KLF13: variants seen among roughly 807,000 people sequenced by gnomAD.
KLF13 encodes KLF transcription factor 13, also known as Krueppel-like factor 13.
Under a neutral mutation model 16.7 loss-of-function variants are expected in KLF13, and 8 were observed. The ratio of observed to expected loss-of-function variants is 0.48; its 90% CI spans 0.28 to 0.87. The LOEUF is 0.87. Ranked by LOEUF, KLF13 falls within the 40% of genes least tolerant of loss-of-function variation. The pLI is 0.10. For synonymous variants in KLF13, 245 were observed against 208.4 expected (o/e 1.18, Z -1.51); for missense variants, 447 against 452.2 (o/e 0.99, Z 0.10).
intron 1 of KLF13, among the ~76,000 whole-genome samples, chr15:31,419,028 G>T (rs1375918937): frequency 6.6e-6 from 1 of 152,166 alleles, no homozygotes; most frequent in Non-Finnish European, 1.5e-5. Context: ...GAAGCTTGGT[G>T]CTGGCATCTG....
intron 1 of KLF13, among the ~76,000 whole-genome samples, chr15:31,387,468 C>CA (rs144411939): frequency 0.05 from 7,633 of 152,250 alleles, 287 homozygotes; most frequent in East Asian, 0.13. Context: ...AATGCTATTG[C>CA]ACACTTAATA....
At position 31,373,379 on chromosome 15, in the gene KLF13, A is replaced by AC. The variant is rs1483133406; in HGVS notation, c.*1082dup. The AC allele has an allele frequency of 6.6e-6, 1 of 152,180 alleles. No individual in the cohort carries two copies. Among genetic ancestry groups the AC allele is most frequent in the Non-Finnish European group, 1.5e-5 (1 of 68,026 alleles). 9.4% of individuals were successfully genotyped at this position (152,180 alleles called of 1,614,324 possible). On this transcript the variant is annotated 3_prime_UTR_variant, in exon 2 of 2. Transcript: ENST00000307145. ...AAGAGACCGGAACATTGTGACTTGGACCTTTTCAGGAGTGGCGCGGATGTT... is the reference window on the plus strand; with the variant it reads ...AAGAGACCGGAACATTGTGACTTGGACCCTTTTCAGGAGTGGCGCGGATGTT...
chr15:31,358,113 T>TGTCCAGCTGTTGGGCA (rs1220860689), intron 1 of KLF13, among the ~76,000 whole-genome samples: 1 of 152,122 alleles, frequency 6.6e-6, no homozygotes, highest in African/African-American at 2.4e-5. Context: ...GGCTGAGAGT[T>TGTCCAGCTGTTGGGCA]GTCCAGCTGT....
In KLF13 at chr15:31,377,114, G is replaced by T. The variant is rs2039659979; in HGVS notation, c.*4815G>T. The T allele has an allele frequency of 6.6e-6, 1 of 152,342 alleles. No homozygotes were observed. The highest frequency in any genetic ancestry group is 1.9e-4 in the East Asian group (1 of 5,186). The allele number at this position is 152,342 out of a possible 1,614,324, so 9.4% of individuals were successfully genotyped here. A position where few individuals can be genotyped will look rare whatever the true frequency, so the allele number is the denominator to read the frequency against. On this transcript the variant is annotated 3_prime_UTR_variant, in exon 2 of 2. Coordinates refer to ENST00000307145, the MANE Select transcript of KLF13 (RefSeq NM_015995.4). The stretch of plus-strand genomic sequence containing the variant: ...GTGCGTGCTTATTTGGAAACCAGGT[G>T]TGTGAGCCGAATGCCTGCCAGGCCA...
chr15:31,412,888 C>G (rs960602992), intron 1 of KLF13, among the ~76,000 whole-genome samples: 2 of 152,108 alleles, frequency 1.3e-5, no homozygotes, highest in Non-Finnish European at 2.9e-5. Context: ...AAGCCTAAAC[C>G]AGGCTGGATA....
In KLF13 at chr15:31,374,076, A is replaced by C. The variant is rs1253188741; in HGVS notation, c.*1777A>C. On this transcript the variant is annotated 3_prime_UTR_variant, in exon 2 of 2. Coordinates refer to ENST00000307145, the MANE Select transcript of KLF13 (RefSeq NM_015995.4). ...TCAGCCCTGCCATGCTATGGGGTGCAGCACAAACCCAGGACCCAGGCCTAG... is the reference window on the plus strand; with the variant it reads ...TCAGCCCTGCCATGCTATGGGGTGCCGCACAAACCCAGGACCCAGGCCTAG... The C allele has an allele frequency of 6.5e-6, 1 of 152,736 alleles. No homozygotes were observed. Among genetic ancestry groups the C allele is most frequent in the African/African-American group, 2.4e-5 (1 of 41,418 alleles). 9.5% of individuals were successfully genotyped at this position (152,736 alleles called of 1,614,324 possible).
downstream of KLF13, among the ~76,000 whole-genome samples, chr15:31,406,115 C>T (rs1019500267): frequency 3.9e-5 from 6 of 152,102 alleles, no homozygotes; most frequent in African/African-American, 1.4e-4. Flanking sequence ...GACTGTAGGG[C>T]AAGAAGACAA....
At chr15:31,413,826 G>A (rs941004425) in intron 1 of KLF13, among the ~76,000 whole-genome samples, 1 of 152,104 alleles carries the variant, frequency 6.6e-6, no homozygotes, top group Non-Finnish European at 1.5e-5. Context: ...GAAAGTTACT[G>A]TCTTTTAAAA....
chr15:31,332,650 G>C (rs1307038626), intron 1 of KLF13, among the ~76,000 whole-genome samples: 4 of 152,212 alleles, frequency 2.6e-5, no homozygotes, highest in Non-Finnish European at 5.9e-5. Context: ...CTTCTGAGTA[G>C]GTGCCCTGAA....
At chr15:31,339,572 C>T (rs1002218515) in intron 1 of KLF13, among the ~76,000 whole-genome samples, 1 of 152,164 alleles carries the variant, frequency 6.6e-6, no homozygotes, top group African/African-American at 2.4e-5. Flanking sequence ...TGGGGAGATG[C>T]CTCTCCCCTG....
chr15:31,399,262 A>G (rs964935241), intron 2 of KLF13, among the ~76,000 whole-genome samples: 2 of 152,028 alleles, frequency 1.3e-5, no homozygotes, highest in African/African-American at 4.8e-5. Context: ...GCTCACTGCA[A>G]CCTCTGCCTC....
intron 1 of KLF13, among the ~76,000 whole-genome samples, chr15:31,336,296 C>A (rs937855618): frequency 6.6e-6 from 1 of 152,170 alleles, no homozygotes; most frequent in Non-Finnish European, 1.5e-5. Context: ...AAAGCAGTGA[C>A]CCCAAGACCT....
chr15:31,389,110 T>C (rs1267874553), upstream of KLF13, among the ~76,000 whole-genome samples: 1 of 152,128 alleles, frequency 6.6e-6, no homozygotes, highest in Non-Finnish European at 1.5e-5. Flanking sequence ...CAAGATCAGC[T>C]TCTCCTCTTT....
chr15:31,357,239 C>A (rs185809932), intron 1 of KLF13, among the ~76,000 whole-genome samples: 2 of 152,278 alleles, frequency 1.3e-5, no homozygotes, highest in East Asian at 1.9e-4. Flanking sequence ...TCCGCCAGGC[C>A]GTCTATGCGG....
intron 1 of KLF13, among the ~76,000 whole-genome samples, chr15:31,370,903 G>A (rs1329590005): frequency 6.6e-6 from 1 of 152,118 alleles, no homozygotes. Context: ...CCATGCTGCT[G>A]GTTCTCCCTG....
intron 1 of KLF13, among the ~76,000 whole-genome samples, chr15:31,411,562 A>ATTTTTTT (rs542831225): frequency 7.3e-6 from 1 of 137,728 alleles, no homozygotes; most frequent in African/African-American, 2.7e-5. Context: ...CACCTGGCTA[A>ATTTTTTT]TTTTTTTTTT....
intron 1 of KLF13, chr15:31,420,512 A>G (rs1366350923): frequency 4.1e-5 from 25 of 603,904 alleles, no homozygotes; most frequent in Non-Finnish European, 6.8e-5. Flanking sequence ...GTATGGCATC[A>G]GGACCATTCT....
chr15:31,340,112 G>A (rs1298970211), intron 1 of KLF13: 21 of 693,980 alleles, frequency 3.0e-5, no homozygotes, highest in South Asian at 1.7e-4. Flanking sequence ...TCTCGTCTTC[G>A]TTGTAGGCCT....
In KLF13 at chr15:31,402,859, TG is replaced by T. The variant is rs368493257; in HGVS notation, n.530-565del. 4.4e-3 allele frequency among the ~76,000 whole-genome samples: 649 copies of T among 146,576 alleles called. 4 individuals carry two copies. Among genetic ancestry groups the T allele is most frequent in the African/African-American group, 0.014 (560 of 40,686 alleles). On this transcript the variant is annotated intron_variant and non_coding_transcript_variant, in intron 2 of 2. Transcript: ENST00000500533. ...TATCGGAATATGAAATACTAAAATGTGGGGAAAAAAAAAACAACTTTTAAGT... is the reference window on the plus strand; with the variant it reads ...TATCGGAATATGAAATACTAAAATGTGGGAAAAAAAAAACAACTTTTAAGT...
Sources: gnomAD v4.1 joint callset for allele counts (sites outside exome capture counted in the v4.1 genomes callset) on GRCh38, gnomAD v4.1.1 for gene constraint, MANE v1.5 for transcripts, NCBI Gene and HGNC (gene_info 2026-07-23, HGNC 2026-07-21) for gene names.